The following FAF1 variants were observed in gnomAD, a reference collection of about 807,000 sequenced individuals.
FAF1 encodes the protein FAS-associated factor 1.
Under a neutral mutation model 92.5 loss-of-function variants are expected in FAF1, and 25 were observed. The observed-to-expected ratio is 0.27, with a 90% confidence interval of 0.20 to 0.38. The LOEUF (loss-of-function observed/expected upper bound fraction) is 0.38. FAF1 is among the 10% of genes least tolerant of loss of function. The pLI is 1.00. For missense variants in FAF1, 636 were observed against 793.3 expected (o/e 0.80, Z 2.38); for synonymous variants, 234 against 273.2 (o/e 0.86, Z 1.42).
chr1:50,879,470 CTATAA>C lies in FAF1; in HGVS notation c.46-21478_46-21474del, dbSNP rs1421557304. On this transcript the variant is annotated intron_variant, in intron 1 of 18. Coordinates refer to ENST00000396153, the MANE Select transcript of FAF1 (RefSeq NM_007051.3). ...TTATGAACCAGAATGAAAATAATTG[CTATAA>C]TATATGTTAAAAACTGTATCTGATG... 5.3e-5 allele frequency among the ~76,000 whole-genome samples: 8 copies of C among 151,746 alleles called. 1 individual carries two copies. The highest frequency in any genetic ancestry group is 1.2e-4 in the African/African-American group (5 of 41,300).
intron 4 of FAF1, among the ~76,000 whole-genome samples, chr1:50,763,528 C>G (rs563317329): frequency 6.6e-6 from 1 of 152,114 alleles, no homozygotes; most frequent in South Asian, 2.1e-4. Flanking sequence ...ATTTTAGGGG[C>G]TCTAATCAGA....
At chr1:50,462,822 C>T (rs181988635) in intron 18 of FAF1, among the ~76,000 whole-genome samples, 441 of 152,214 alleles carry the variant, frequency 2.9e-3, no homozygotes, top group Middle Eastern at 6.8e-3. Flanking sequence ...AAGTTATGTT[C>T]GAAGGTGGGA....
intron 13 of FAF1, among the ~76,000 whole-genome samples, chr1:50,565,467 TAAG>T: frequency 6.6e-6 from 1 of 152,176 alleles, no homozygotes; most frequent in East Asian, 1.9e-4. Flanking sequence ...AAAAGTGTCA[TAAG>T]GAGTTAATAG....
intron 6 of FAF1, among the ~76,000 whole-genome samples, chr1:50,708,415 A>C (rs1657780453): frequency 6.6e-6 from 1 of 152,194 alleles, no homozygotes; most frequent in African/African-American, 2.4e-5. Context: ...TATATTTAAC[A>C]AGAAAAAGTG....
chr1:50,555,998 G>GGT (rs1572830962), intron 13 of FAF1, among the ~76,000 whole-genome samples: 1 of 151,250 alleles, frequency 6.6e-6, no homozygotes, highest in African/African-American at 2.4e-5. Context: ...GTATATATAT[G>GGT]GTGTGTGTAT....
At chr1:50,935,984 G>A (rs887441916) in intron 1 of FAF1, among the ~76,000 whole-genome samples, 1 of 152,212 alleles carries the variant, frequency 6.6e-6, no homozygotes, top group Non-Finnish European at 1.5e-5. Context: ...CTCAGACAGT[G>A]TTAACTAACA....
At chr1:50,830,349 A>T (rs1644141350) in intron 2 of FAF1, among the ~76,000 whole-genome samples, 1 of 152,204 alleles carries the variant, frequency 6.6e-6, no homozygotes, top group Non-Finnish European at 1.5e-5. Context: ...ACCTCAAGTG[A>T]TCTGCCCACC....
At chr1:50,491,651 G>A (rs1646840047) in intron 16 of FAF1, 70 bp downstream of exon 16, 5 of 1,090,908 alleles carry the variant, frequency 4.6e-6, no homozygotes, top group Non-Finnish European at 6.8e-6. Flanking sequence ...AGGGATCAAA[G>A]TGATAAAGGT....
chr1:50,875,953 C>T (rs1570087947), intron 1 of FAF1, among the ~76,000 whole-genome samples: 4 of 152,244 alleles, frequency 2.6e-5, no homozygotes, highest in East Asian at 1.9e-4. Flanking sequence ...GGTTTAATTT[C>T]GTATGTGTGT....
At chr1:50,465,325 G>T (rs1021713788) in intron 18 of FAF1, among the ~76,000 whole-genome samples, 1 of 152,164 alleles carries the variant, frequency 6.6e-6, no homozygotes, top group Non-Finnish European at 1.5e-5. Context: ...TAGGGTTGTT[G>T]TAAGAATTCA....
chr1:50,500,228 T>G (rs947353297), intron 15 of FAF1, among the ~76,000 whole-genome samples: 1 of 151,960 alleles, frequency 6.6e-6, no homozygotes, highest in Non-Finnish European at 1.5e-5. Context: ...ATAAAATAAC[T>G]AAATTAGAGG....
intron 17 of FAF1, among the ~76,000 whole-genome samples, chr1:50,486,687 T>TCC: frequency 6.6e-6 from 1 of 152,312 alleles, no homozygotes; most frequent in South Asian, 2.1e-4. Context: ...CCCTCTTGCA[T>TCC]TAGACAGTAA....
intron 8 of FAF1, among the ~76,000 whole-genome samples, chr1:50,621,764 GC>G (rs1379686781): frequency 1.3e-5 from 2 of 152,106 alleles, no homozygotes; most frequent in African/African-American, 4.8e-5. Flanking sequence ...AAGATGAGGA[GC>G]CCTGGAGGGT....
chr1:50,818,017 CA>C (rs1643995217), intron 2 of FAF1, among the ~76,000 whole-genome samples: 1 of 151,972 alleles, frequency 6.6e-6, no homozygotes, highest in Admixed American at 6.6e-5. Flanking sequence ...CAAAACAGAT[CA>C]AAAATTGCTT....
intron 18 of FAF1, among the ~76,000 whole-genome samples, chr1:50,455,077 G>A (rs952421199): frequency 2.0e-5 from 3 of 152,202 alleles, no homozygotes; most frequent in South Asian, 4.1e-4. Flanking sequence ...GGCAGACTCC[G>A]TTGGTGATAC....
chr1:50,621,793 C>G (rs11205743), intron 8 of FAF1, among the ~76,000 whole-genome samples: 10,944 of 152,166 alleles, frequency 0.072, 429 homozygotes, highest in African/African-American at 0.1. Context: ...TATGGCTAAT[C>G]TCTGCCAGAG....
chr1:50,594,292 G>C (rs141472697), intron 9 of FAF1, among the ~76,000 whole-genome samples: 3 of 150,152 alleles, frequency 2.0e-5, no homozygotes, highest in African/African-American at 4.9e-5. Context: ...TCCAGCCTGG[G>C]TGACAGAGTG....
intron 2 of FAF1, among the ~76,000 whole-genome samples, chr1:50,844,858 A>C (rs1210032133): frequency 6.6e-6 from 1 of 152,158 alleles, no homozygotes; most frequent in African/African-American, 2.4e-5. Flanking sequence ...GGGTGCCCTG[A>C]GCAAGATAAA....
chr1:50,907,655 GT>G (rs905199562), intron 1 of FAF1, among the ~76,000 whole-genome samples: 8 of 151,978 alleles, frequency 5.3e-5, no homozygotes, highest in African/African-American at 1.9e-4. Context: ...AGATTTTCTA[GT>G]TTTTTTTCAT....
Sources: allele counts gnomAD v4.1 joint callset (sites outside exome capture counted in the v4.1 genomes callset), GRCh38; gene constraint gnomAD v4.1.1; transcripts MANE v1.5; gene names NCBI Gene and HGNC (gene_info 2026-07-23, HGNC 2026-07-21).